Variants in SPAG17 observed in about 807,000 individuals in gnomAD.
SPAG17 encodes sperm-associated antigen 17.
A neutral mutation model predicts 273.6 loss-of-function variants in SPAG17; 169 were observed. That is an observed-to-expected ratio of 0.62 (90% confidence interval 0.55 to 0.70). The LOEUF is 0.70. SPAG17 is among the 30% of genes least tolerant of loss of function. SPAG17 has a pLI of 0.00. For synonymous variants in SPAG17, 825 were observed against 873.2 expected, an observed-to-expected ratio of 0.94 and a Z score of 0.97; for missense variants, 2,557 against 2,627.8, an observed-to-expected ratio of 0.97 and a Z score of 0.59.
intron 42 of SPAG17, 110 bp downstream of exon 42, chr1:117,983,701 C>T: frequency 1.8e-6 from 1 of 552,578 alleles, no homozygotes; most frequent in Non-Finnish European, 3.1e-6. Context: ...ATATGCAGGT[C>T]ACTGTAGGCT....
intron 1 of SPAG17, among the ~76,000 whole-genome samples, chr1:118,156,662 C>A (rs1173362052): frequency 6.6e-6 from 1 of 152,232 alleles, no homozygotes; most frequent in Non-Finnish European, 1.5e-5. Flanking sequence ...ACATCCAAAT[C>A]TGCATTGCCT....
chr1:118,121,724 G>A (rs1022832287), intron 3 of SPAG17, among the ~76,000 whole-genome samples: 2 of 152,182 alleles, frequency 1.3e-5, no homozygotes, highest in African/African-American at 4.8e-5. Flanking sequence ...GTGTACATGA[G>A]TGCATGTCCA....
At chr1:118,178,414 T>TA (rs1158490762) in intron 1 of SPAG17, among the ~76,000 whole-genome samples, 2 of 151,718 alleles carry the variant, frequency 1.3e-5, no homozygotes, top group African/African-American at 4.8e-5. Flanking sequence ...ATGAAAACCA[T>TA]AAAAAACTGG....
At chr1:118,125,342 T>C (rs1657656947) in intron 3 of SPAG17, among the ~76,000 whole-genome samples, 1 of 152,150 alleles carries the variant, frequency 6.6e-6, no homozygotes, top group Admixed American at 6.5e-5. Context: ...GTAATTAGCA[T>C]ATCTATCACC....
chr1:117,973,558 G>C lies in SPAG17; in HGVS notation c.6008C>G (p.Ala2003Gly), dbSNP rs74114950. Residue 2003 changes from alanine (A) to glycine (G), a missense_variant, in exon 44 of 49, where the codon GCA becomes GGA. Transcript: ENST00000336338. Reference protein sequence around the residue: ...TENLTKSPEEAESYEPVKIPT... With the variant: ...TENLTKSPEEGESYEPVKIPT... ...AATTTTCACGGGCTCATAAGATTCT[G>C]CTTCTGTTAGAGAGAAAGCTTAAAT... is the stretch of plus-strand genomic sequence containing the variant. 5.1e-3 allele frequency: 8,286 copies of C among 1,613,196 alleles called. 296 individuals carry two copies. In the African/African-American group the frequency reaches 0.088, roughly 17 times the overall value.
chr1:117,982,521 G>A (rs1655952927), intron 42 of SPAG17, among the ~76,000 whole-genome samples: 1 of 152,128 alleles, frequency 6.6e-6, no homozygotes, highest in Non-Finnish European at 1.5e-5. Flanking sequence ...GATTACAGGC[G>A]TGAGCCACCG....
intron 46 of SPAG17, among the ~76,000 whole-genome samples, chr1:117,967,182 G>GGCAGGAGAATTGCTTGAAC (rs1403010037): frequency 2.6e-5 from 4 of 151,650 alleles, no homozygotes; most frequent in Admixed American, 1.3e-4. Context: ...AGGAGGCTGA[G>GGCAGGAGAATTGCTTGAAC]GCAGGAGAAT....
At chr1:118,155,772 A>T (rs1477492944) in intron 1 of SPAG17, among the ~76,000 whole-genome samples, 1 of 152,218 alleles carries the variant, frequency 6.6e-6, no homozygotes, top group Non-Finnish European at 1.5e-5. Context: ...TACTCTGCTG[A>T]GACGATAACC....
chr1:118,151,448 A>C, intron 1 of SPAG17, 79 bp from the exon 2 acceptor site: 1 of 1,322,758 alleles, frequency 7.6e-7, no homozygotes, highest in Non-Finnish European at 1.0e-6. Flanking sequence ...ACTGAGAAGC[A>C]GAATAATTTT....
At chr1:118,116,305 G>A (rs1022931127) in intron 3 of SPAG17, among the ~76,000 whole-genome samples, 2 of 152,176 alleles carry the variant, frequency 1.3e-5, no homozygotes, top group Non-Finnish European at 2.9e-5. Flanking sequence ...ACCTCTGCCT[G>A]AAGCATTGTC....
intron 1 of SPAG17, among the ~76,000 whole-genome samples, chr1:118,184,624 T>C (rs1336760770): frequency 2.6e-5 from 4 of 152,174 alleles, no homozygotes; most frequent in Non-Finnish European, 5.9e-5. Context: ...TACAGTGTAA[T>C]TCTAGGCACT....
chr1:118,076,085 A>G (rs1446325631), intron 15 of SPAG17, among the ~76,000 whole-genome samples: 1 of 152,040 alleles, frequency 6.6e-6, no homozygotes, highest in Non-Finnish European at 1.5e-5. Context: ...AACTCAGTAA[A>G]TATTTCCTTT....
intron 43 of SPAG17, among the ~76,000 whole-genome samples, chr1:117,975,796 A>C (rs1028347650): frequency 1.3e-5 from 2 of 152,168 alleles, no homozygotes; most frequent in African/African-American, 4.8e-5. Context: ...GCATTCCAGT[A>C]GTTTGGTATA....
At chr1:118,180,447 C>T (rs1375088876) in intron 1 of SPAG17, among the ~76,000 whole-genome samples, 3 of 151,798 alleles carry the variant, frequency 2.0e-5, no homozygotes, top group South Asian at 4.2e-4. Context: ...GGAAAAGTAG[C>T]GAAGCCAGGG....
intron 1 of SPAG17, among the ~76,000 whole-genome samples, chr1:118,162,043 A>G (rs1040270290): frequency 2.6e-5 from 4 of 152,098 alleles, no homozygotes; most frequent in East Asian, 1.9e-4. Context: ...CATAATTCAC[A>G]TATCTCCTTC....
At chr1:118,124,933 T>A (rs563258949) in intron 3 of SPAG17, among the ~76,000 whole-genome samples, 2 of 152,216 alleles carry the variant, frequency 1.3e-5, no homozygotes, top group East Asian at 1.9e-4. Context: ...CCTCTTCTCC[T>A]GGGCATGGAT....
At chr1:117,977,147 T>C (rs1369095938) in intron 43 of SPAG17, among the ~76,000 whole-genome samples, 1 of 124,538 alleles carries the variant, frequency 8.0e-6, no homozygotes, top group African/African-American at 3.3e-5. Context: ...CCGTCTCTAC[T>C]AAAAATACAA....
intron 32 of SPAG17, among the ~76,000 whole-genome samples, chr1:117,998,281 A>G (rs550184854): frequency 6.6e-6 from 1 of 152,224 alleles, no homozygotes; most frequent in African/African-American, 2.4e-5. Context: ...ATAGCTAGCC[A>G]TTTATCCCAG....
At chr1:118,015,490 C>T (rs181600063) in intron 29 of SPAG17, among the ~76,000 whole-genome samples, 1 of 152,084 alleles carries the variant, frequency 6.6e-6, no homozygotes, top group Non-Finnish European at 1.5e-5. Flanking sequence ...ATAAGTTTTT[C>T]CAAATCAAAG....
Sources: gnomAD v4.1 joint callset for allele counts (sites outside exome capture counted in the v4.1 genomes callset) on GRCh38, gnomAD v4.1.1 for gene constraint, MANE v1.5 for transcripts, NCBI Gene and HGNC (gene_info 2026-07-23, HGNC 2026-07-21) for gene names.